Variants in TRANK1 observed in about 807,000 individuals in gnomAD.
TRANK1 encodes the protein tetratricopeptide repeat and ankyrin repeat containing 1.
Under a neutral mutation model 266.0 loss-of-function variants are expected in TRANK1, and 198 were observed. The observed-to-expected ratio is 0.74, with a 90% CI of 0.66 to 0.84. The LOEUF (loss-of-function observed/expected upper bound fraction) is 0.84, where lower values mean the gene tolerates loss of function less well. Ranked by LOEUF, TRANK1 falls within the 40% of genes least tolerant of loss-of-function variation. TRANK1 has a pLI of 0.00. For synonymous variants in TRANK1, 1,396 were observed against 1,384.1 expected, an observed-to-expected ratio of 1.01 and a Z score of -0.19; for missense variants, 3,326 against 3,634.6, an observed-to-expected ratio of 0.92 and a Z score of 2.18.
chr3:36,832,362 G>A lies in TRANK1; in HGVS notation c.7221C>T (p.Ile2407=), dbSNP rs556222181. Residue 2407 remains isoleucine, a synonymous_variant, in exon 22 of 24, where the codon ATC becomes ATT. Transcript: ENST00000645898. ...ENMDKTHLCF[I]RLLENCIDQF... ...GATCAATGCAATTCTCCAGAAGCCG[G>A]ATGAAGCACAGGTGGGTCTTGTCCA... is the stretch of plus-strand genomic sequence containing the variant. 6.0e-5 allele frequency: 97 copies of A among 1,613,896 alleles called. No homozygotes were observed. Among genetic ancestry groups the A allele is most frequent in the Non-Finnish European group, 7.7e-5 (91 of 1,179,910 alleles).
At chr3:36,865,006 G>GT (rs2079193905) in intron 9 of TRANK1, among the ~76,000 whole-genome samples, 1 of 149,642 alleles carries the variant, frequency 6.7e-6, no homozygotes, top group African/African-American at 2.5e-5. Context: ...GGTTTTTGGG[G>GT]GTTTTTTTGT....
chr3:36,886,484 T>C (rs934399640), intron 8 of TRANK1, among the ~76,000 whole-genome samples: 1 of 152,168 alleles, frequency 6.6e-6, no homozygotes, highest in African/African-American at 2.4e-5. Context: ...AGAAATAGTA[T>C]AAAATTGTTA....
At chr3:36,945,686 C>A (rs1314794559), upstream of TRANK1, among the ~76,000 whole-genome samples, 1 of 152,164 alleles carries the variant, frequency 6.6e-6, no homozygotes, top group African/African-American at 2.4e-5. Flanking sequence ...ACCTCCCCAG[C>A]GGTTCTCGGC....
chr3:36,923,324 C>T (rs542448085), intron 1 of TRANK1, among the ~76,000 whole-genome samples: 30 of 149,618 alleles, frequency 2.0e-4, no homozygotes, highest in Admixed American at 1.5e-3. Flanking sequence ...GATACAATCT[C>T]GGCTCACTGC....
At position 36,874,107 on chromosome 3, in the gene TRANK1, A is replaced by T; in HGVS notation, c.1078+19T>A. On this transcript the variant is annotated intron_variant, in intron 9 of 23. Coordinates refer to ENST00000645898, the MANE Select transcript of TRANK1 (RefSeq NM_001329998.2). Reference sequence around the variant, plus strand: ...ACCAGTTTTATGCCCCCCAAAAGTTAATACACTGGAAGCTGTACCTGATAG... The same window carrying T: ...ACCAGTTTTATGCCCCCCAAAAGTTTATACACTGGAAGCTGTACCTGATAG... 1.3e-6 allele frequency: 2 copies of T among 1,529,062 alleles called. No homozygotes were observed. Among genetic ancestry groups the T allele is most frequent in the Non-Finnish European group, 1.7e-6 (2 of 1,143,296 alleles). The allele number at this position is 1,529,062 out of a possible 1,614,324, so 94.7% of individuals were successfully genotyped here. A position where few individuals can be genotyped will look rare whatever the true frequency, so the allele number is the denominator to read the frequency against.
intron 8 of TRANK1, among the ~76,000 whole-genome samples, chr3:36,881,849 A>T (rs1328899657): frequency 2.0e-5 from 3 of 152,058 alleles, no homozygotes; most frequent in Non-Finnish European, 2.9e-5. Context: ...ATCACACAAC[A>T]CATGGTCTTT....
In TRANK1 at chr3:36,831,713, C is replaced by T. The variant is rs776790918; in HGVS notation, c.7870G>A (p.Val2624Met). 2 of 1,613,994 alleles carry T rather than the reference C, an allele frequency of 1.2e-6. No individual in the cohort carries two copies. The highest frequency in any genetic ancestry group is 1.7e-6 in the Non-Finnish European group (2 of 1,179,884). The change falls in exon 22 of 24, where the codon GTG becomes ATG. Residue 2624 changes from valine to methionine, a missense_variant. Physicochemically the swap from Val to Met is conservative, Grantham distance 21. Coordinates refer to ENST00000645898, the MANE Select transcript of TRANK1 (RefSeq NM_001329998.2). The surrounding 1 kb of genome is among the most constrained non-coding windows in gnomAD (Gnocchi z 5.0). Reference protein sequence around the residue: ...VVKRVLVAVNVKSVAEALQDL... With the variant: ...VVKRVLVAVNMKSVAEALQDL... The stretch of plus-strand genomic sequence containing the variant: ...TGCAGTGCCTCAGCCACAGACTTCA[C>T]ATTGACTGCCACCAAGACCCGCTTC...
intron 8 of TRANK1, among the ~76,000 whole-genome samples, chr3:36,884,342 A>T (rs2079571747): frequency 6.6e-6 from 1 of 152,188 alleles, no homozygotes; most frequent in South Asian, 2.1e-4. Flanking sequence ...AATAGGAACC[A>T]GGGATCCTTA....
intron 1 of TRANK1, among the ~76,000 whole-genome samples, chr3:36,918,640 A>G: frequency 7.5e-6 from 1 of 133,858 alleles, no homozygotes. Context: ...AGAAAGAAAG[A>G]GAAAGAAAGA....
chr3:36,937,675 T>A (rs879350869), intron 1 of TRANK1, among the ~76,000 whole-genome samples: 1 of 152,222 alleles, frequency 6.6e-6, no homozygotes, highest in Admixed American at 6.5e-5. Context: ...TAGTTAAGCA[T>A]CAGCCAACCA....
At chr3:36,858,918 G>T in intron 11 of TRANK1, 24 bp from the exon 12 acceptor site, 2 of 1,520,396 alleles carry the variant, frequency 1.3e-6, no homozygotes, top group Non-Finnish European at 8.8e-7. Flanking sequence ...GAAGGGAAGC[G>T]CAATGTGAGC....
chr3:36,928,860 T>C (rs1047983821), intron 1 of TRANK1, among the ~76,000 whole-genome samples: 3 of 152,138 alleles, frequency 2.0e-5, no homozygotes, highest in Admixed American at 6.5e-5. Context: ...TATTATAAAA[T>C]GTCAAGTCCT....
intron 2 of TRANK1, among the ~76,000 whole-genome samples, chr3:36,905,042 C>T (rs1484264597): frequency 6.6e-6 from 1 of 151,702 alleles, no homozygotes; most frequent in African/African-American, 2.4e-5. Context: ...GTAATCCCAG[C>T]ACTTTAGGAG....
At chr3:36,939,383 C>T (rs1050704672) in intron 1 of TRANK1, among the ~76,000 whole-genome samples, 1 of 152,150 alleles carries the variant, frequency 6.6e-6, no homozygotes, top group African/African-American at 2.4e-5. Context: ...GTGGCTCCCT[C>T]CCATTCACAT....
At chr3:36,841,885 T>C (rs1302151973) in intron 18 of TRANK1, among the ~76,000 whole-genome samples, 2 of 147,810 alleles carry the variant, frequency 1.4e-5, no homozygotes, top group African/African-American at 2.5e-5. Flanking sequence ...ACCTGACTTG[T>C]TGTTATTAGA....
At chr3:36,911,858 C>T (rs913954745) in intron 1 of TRANK1, among the ~76,000 whole-genome samples, 2 of 152,198 alleles carry the variant, frequency 1.3e-5, no homozygotes, top group African/African-American at 4.8e-5. Flanking sequence ...TAAGTACCTA[C>T]TATGTGCTTT....
intron 1 of TRANK1, among the ~76,000 whole-genome samples, chr3:36,944,436 G>A (rs1169006246): frequency 6.6e-6 from 1 of 152,210 alleles, no homozygotes; most frequent in East Asian, 1.9e-4. Flanking sequence ...CGCTGGTCAG[G>A]AACCTGTCGG....
At chr3:36,945,132 G>A, upstream of TRANK1, 3 of 350,476 alleles carry the variant, frequency 8.6e-6, no homozygotes, top group Non-Finnish European at 1.5e-5. Flanking sequence ...GTTTGTCATC[G>A]CGTTCAAAAG....
rs150860159 is a variant in TRANK1, at chr3:36,833,481, G to A, written c.6102C>T (p.Phe2034=). Residue 2034 remains phenylalanine, a synonymous_variant, in exon 22 of 24, where the codon TTC becomes TTT. Coordinates refer to ENST00000645898, the MANE Select transcript of TRANK1 (RefSeq NM_001329998.2). ...AGTCTCTCAGGATTACCCCTTGCAG[G>A]AAGTGGGCCTCCGCAATGCCAGACA... is the stretch of plus-strand genomic sequence containing the variant. ...GQLSGIAEAH[F]LQGVILRDFQ... is the part of the protein sequence containing the mutation. 5,595 of 1,613,940 alleles carry A rather than the reference G, an allele frequency of 3.5e-3. 13 individuals carry two copies. Among genetic ancestry groups the A allele is most frequent in the Non-Finnish European group, 4.2e-3 (4,985 of 1,179,840 alleles).
Sources: gnomAD v4.1 joint callset for allele counts (sites outside exome capture counted in the v4.1 genomes callset) on GRCh38, gnomAD v4.1.1 for gene constraint, Gnocchi (gnomAD v3.1) non-coding constraint, MANE v1.5 for transcripts, NCBI Gene and HGNC (gene_info 2026-07-23, HGNC 2026-07-21) for gene names.